Variants in CRMP1 observed in about 807,000 individuals in gnomAD.
CRMP1 encodes collapsin response mediator protein 1.
In CRMP1, 19 loss-of-function variants were observed where a neutral mutation model predicts 68.3. That is an observed-to-expected ratio of 0.28 (90% CI 0.19 to 0.41). The LOEUF (loss-of-function observed/expected upper bound fraction) is 0.41. Ranked by LOEUF, CRMP1 falls within the 10% of genes least tolerant of loss-of-function variation. The pLI, the probability that CRMP1 is intolerant of heterozygous loss-of-function variation, is 1.00. For missense variants in CRMP1, 791 were observed against 967.4 expected (o/e 0.82, Z 2.42); for synonymous variants, 439 against 399.6 (o/e 1.10, Z -1.18).
In CRMP1 at chr4:5,850,395, A is replaced by G. The variant is rs1043257416; in HGVS notation, c.883-923T>C. Among the ~76,000 whole-genome samples the G allele has an allele frequency of 9.2e-5, 14 of 152,084 alleles. No homozygotes were observed. Among genetic ancestry groups the G allele is most frequent in the African/African-American group, 1.9e-4 (8 of 41,402 alleles). ...CTATGTTTTCTATGTAACTGAACCA[A>G]TTTTCAGCTCTTTGAGTGTCTTTTG... On this transcript the variant is annotated intron_variant, in intron 5 of 13. Transcript: ENST00000324989. This position sits in a 1 kb window ranked among gnomAD's most constrained non-coding sequence, Gnocchi z 4.4.
At chr4:5,867,407 T>TA (rs1714074586) in intron 1 of CRMP1, among the ~76,000 whole-genome samples, 1 of 152,186 alleles carries the variant, frequency 6.6e-6, no homozygotes, top group Non-Finnish European at 1.5e-5. Context: ...CAGGGAGTTA[T>TA]CAAGGTATTA....
At position 5,870,835 on chromosome 4, in the gene CRMP1, G is replaced by A. The variant is rs1488891368; in HGVS notation, c.382-4079C>T. ...GGACCAATGGGAAAAAGAGGCCCAG[G>A]CTCTGCACGTCCAGGAAGCACCCAC... On this transcript the variant is annotated intron_variant, in intron 1 of 13. Coordinates refer to ENST00000324989, the MANE Select transcript of CRMP1 (RefSeq NM_001014809.3). The surrounding 1 kb of genome is among the most constrained non-coding windows in gnomAD (Gnocchi z 6.0). Among the ~76,000 whole-genome samples the A allele has an allele frequency of 1.3e-5, 2 of 152,180 alleles. No homozygotes were observed. Among genetic ancestry groups the A allele is most frequent in the African/African-American group, 4.8e-5 (2 of 41,434 alleles).
At chr4:5,829,500 A>G (rs1720195532) in intron 11 of CRMP1, among the ~76,000 whole-genome samples, 1 of 152,244 alleles carries the variant, frequency 6.6e-6, no homozygotes, top group Non-Finnish European at 1.5e-5. Context: ...TTTTAAAAGT[A>G]GGTCACATAC....
At chr4:5,863,691 A>C (rs1404734500) in intron 2 of CRMP1, among the ~76,000 whole-genome samples, 1 of 152,196 alleles carries the variant, frequency 6.6e-6, no homozygotes, top group Non-Finnish European at 1.5e-5. Flanking sequence ...TGAGTGAGTT[A>C]AATGGAAACC....
Position 5,842,529 on chromosome 4 carries a change from A to C in CRMP1, c.1032+564T>G, listed in dbSNP as rs1446849622. On this transcript the variant is annotated intron_variant, in intron 7 of 13. Coordinates refer to ENST00000324989, the MANE Select transcript of CRMP1 (RefSeq NM_001014809.3). The surrounding 1 kb of genome is among the most constrained non-coding windows in gnomAD (Gnocchi z 4.5). ...GGGTGCCCACTCTATTCCATGCCCG[A>C]TCAGCTTGCCTTCCTCCTTCCACAC... is the stretch of plus-strand genomic sequence containing the variant. Among the ~76,000 whole-genome samples the C allele has an allele frequency of 6.6e-6, 1 of 151,636 alleles. No individual in the cohort carries two copies. The highest frequency in any genetic ancestry group is 2.4e-5 in the African/African-American group (1 of 41,270).
intron 1 of CRMP1, among the ~76,000 whole-genome samples, chr4:5,869,242 C>T (rs190202152): frequency 1.8e-4 from 27 of 152,210 alleles, no homozygotes; most frequent in African/African-American, 5.1e-4. Flanking sequence ...TGTGAGCCAC[C>T]GTGCCTTGGC....
rs1373478197 is a variant in CRMP1, at chr4:5,865,703, T to C, written c.470+965A>G. ...TGAATTGTATCTCCCAAAATTCATG[T>C]TGAAGCCCCAGCCCACCCCATGGGA... On this transcript the variant is annotated intron_variant, in intron 2 of 13. Transcript: ENST00000324989. This position sits in a 1 kb window ranked among gnomAD's most constrained non-coding sequence, Gnocchi z 4.1. 6.6e-6 allele frequency among the ~76,000 whole-genome samples: 1 copy of C among 151,878 alleles called. No homozygotes were observed. Among genetic ancestry groups the C allele is most frequent in the Non-Finnish European group, 1.5e-5 (1 of 68,002 alleles).
At chr4:5,830,386 ATTTCTAAGTTTTGTGTC>A in intron 11 of CRMP1, among the ~76,000 whole-genome samples, 1 of 152,276 alleles carries the variant, frequency 6.6e-6, no homozygotes, top group East Asian at 1.9e-4. Flanking sequence ...ATTCTTTACC[ATTTCTAAGTTTTGTGTC>A]TTGCTTAGCA....
At chr4:5,878,960 TCACCTCCCAATGCACCTGCCC>T (rs1715039453) in intron 1 of CRMP1, among the ~76,000 whole-genome samples, 1 of 152,070 alleles carries the variant, frequency 6.6e-6, no homozygotes, top group African/African-American at 2.4e-5. Context: ...CTGCTGACTT[TCACCTCCCAATGCACCTGCCC>T]CAGATAAGCC....
chr4:5,825,037 T>C lies in CRMP1; in HGVS notation c.1969+457A>G, dbSNP rs16837706. The stretch of plus-strand genomic sequence containing the variant: ...TAGGGTATAATGTTACTTTATGGAG[T>C]AGTGAGGATAAAATAAAATCATGGG... On this transcript the variant is annotated intron_variant, in intron 13 of 13. Coordinates refer to ENST00000324989, the MANE Select transcript of CRMP1 (RefSeq NM_001014809.3). This position sits in a 1 kb window ranked among gnomAD's most constrained non-coding sequence, Gnocchi z 4.4. 0.048 allele frequency: 47,753 copies of C among 985,058 alleles called. 2,334 individuals are homozygous for C. The highest frequency in any genetic ancestry group is 0.23 in the African/African-American group (13,434 of 57,240). 61.0% of individuals were successfully genotyped at this position (985,058 alleles called of 1,614,324 possible).
chr4:5,831,283 T>C (rs1328272421), intron 11 of CRMP1, among the ~76,000 whole-genome samples: 1 of 152,172 alleles, frequency 6.6e-6, no homozygotes, highest in African/African-American at 2.4e-5. Context: ...AGGATTTTGA[T>C]TTCCATTCTA....
chr4:5,834,473 C>T lies in CRMP1; in HGVS notation c.1623+1442G>A, dbSNP rs1348267899. ...CCTTCTGCCCTCTGCCATGGGATAA[C>T]TCAGCAAGAAGGCCTTTGCCAGATG... On this transcript the variant is annotated intron_variant, in intron 11 of 13. Coordinates refer to ENST00000324989, the MANE Select transcript of CRMP1 (RefSeq NM_001014809.3). This position sits in a 1 kb window ranked among gnomAD's most constrained non-coding sequence, Gnocchi z 4.3. Among the ~76,000 whole-genome samples the T allele has an allele frequency of 6.6e-6, 1 of 152,202 alleles. No individual in the cohort carries two copies. The highest frequency in any genetic ancestry group is 2.4e-5 in the African/African-American group (1 of 41,444).
intron 1 of CRMP1, among the ~76,000 whole-genome samples, chr4:5,880,877 C>A (rs1285482498): frequency 6.6e-6 from 1 of 152,226 alleles, no homozygotes; most frequent in East Asian, 1.9e-4. Flanking sequence ...TTCACTCACT[C>A]ACACAGTGTG....
intron 1 of CRMP1, among the ~76,000 whole-genome samples, chr4:5,875,683 C>A (rs1714758908): frequency 6.6e-6 from 1 of 152,056 alleles, no homozygotes; most frequent in Non-Finnish European, 1.5e-5. Context: ...CTGAAAGTTC[C>A]AGGTACTGTG....
At position 5,843,697 on chromosome 4, in the gene CRMP1, T is replaced by C. The variant is rs1410263810; in HGVS notation, c.964-536A>G. Among the ~76,000 whole-genome samples the C allele has an allele frequency of 2.0e-5, 3 of 152,174 alleles. No homozygotes were observed. Among genetic ancestry groups the C allele is most frequent in the South Asian group, 4.1e-4 (2 of 4,826 alleles). ...ACACTGGGGATAACGGTGCTTGTAC[T>C]GCAGAGTTACTACGCTGATCAGATG... On this transcript the variant is annotated intron_variant, in intron 6 of 13. Coordinates refer to ENST00000324989, the MANE Select transcript of CRMP1 (RefSeq NM_001014809.3). The surrounding 1 kb of genome is among the most constrained non-coding windows in gnomAD (Gnocchi z 4.1).
Position 5,858,985 on chromosome 4 carries a change from G to A in CRMP1, c.655+2041C>T, listed in dbSNP as rs1560507256. Among the ~76,000 whole-genome samples the A allele has an allele frequency of 2.0e-5, 3 of 152,152 alleles. No homozygotes were observed. The highest frequency in any genetic ancestry group is 2.1e-4 in the South Asian group (1 of 4,822). ...CAACTCATCCTTCAGATCCCTGTAC[G>A]AATGTCACTTCTTCAGAGAACACTT... On this transcript the variant is annotated intron_variant, in intron 3 of 13. Coordinates refer to ENST00000324989, the MANE Select transcript of CRMP1 (RefSeq NM_001014809.3). The surrounding 1 kb of genome is among the most constrained non-coding windows in gnomAD (Gnocchi z 5.5).
intron 1 of CRMP1, among the ~76,000 whole-genome samples, chr4:5,885,966 T>C (rs577836054): frequency 3.9e-5 from 6 of 152,298 alleles, no homozygotes; most frequent in Non-Finnish European, 7.4e-5. Context: ...TTACATGGCA[T>C]TTAAGGCAGG....
At chr4:5,827,210 G>C (rs927094048) in intron 12 of CRMP1, among the ~76,000 whole-genome samples, 2 of 152,222 alleles carry the variant, frequency 1.3e-5, no homozygotes, top group South Asian at 4.1e-4. Context: ...GCAGGCCTCA[G>C]CTTCAGACCA....
Position 5,882,029 on chromosome 4 carries a change from A to C in CRMP1, c.381+10560T>G, listed in dbSNP as rs551798289. On this transcript the variant is annotated intron_variant, in intron 1 of 13. Transcript: ENST00000324989. ...AACCAATGGTGGGATTTTTCTTCCA[A>C]ACCCAATCGCTGTGCTTCCTGACCA... Among the ~76,000 whole-genome samples the C allele has an allele frequency of 9.3e-4, 142 of 152,202 alleles. No homozygotes were observed. In the South Asian group the frequency reaches 0.018, roughly 20 times the overall value.
Sources: gnomAD v4.1 joint callset for allele counts (sites outside exome capture counted in the v4.1 genomes callset) on GRCh38, gnomAD v4.1.1 for gene constraint, Gnocchi (gnomAD v3.1) non-coding constraint, MANE v1.5 for transcripts, NCBI Gene and HGNC (gene_info 2026-07-23, HGNC 2026-07-21) for gene names.